The following TGFBR3 variants were observed in gnomAD, a reference collection of about 807,000 sequenced individuals.
The protein encoded by TGFBR3 is transforming growth factor beta receptor type 3.
In TGFBR3, 46 loss-of-function variants were observed where a neutral mutation model predicts 87.9. That is an observed-to-expected ratio of 0.52 (90% CI 0.41 to 0.67). TGFBR3 has a LOEUF of 0.67. Among genes scored for constraint, TGFBR3 ranks in the 30% least tolerant of loss-of-function variants. The pLI, the probability that TGFBR3 is intolerant of heterozygous loss-of-function variation, is 0.00. For synonymous variants in TGFBR3, 381 were observed against 391.6 expected (o/e 0.97, Z 0.32); for missense variants, 866 against 1,041.9 (o/e 0.83, Z 2.32).
intron 1 of TGFBR3, among the ~76,000 whole-genome samples, chr1:91,875,793 G>C (rs1379332018): frequency 1.8e-5 from 1 of 55,070 alleles, no homozygotes; most frequent in Non-Finnish European, 4.2e-5. Context: ...GCGGGGGGGG[G>C]GGGTGGGAGT....
intron 4 of TGFBR3, among the ~76,000 whole-genome samples, chr1:91,743,661 G>T (rs971842955): frequency 6.6e-6 from 1 of 152,088 alleles, no homozygotes; most frequent in Non-Finnish European, 1.5e-5. Flanking sequence ...CCAAGTGTTG[G>T]GTACAAAAAA....
chr1:91,777,539 C>T (rs911198591), intron 3 of TGFBR3, among the ~76,000 whole-genome samples: 14 of 152,130 alleles, frequency 9.2e-5, no homozygotes, highest in African/African-American at 3.1e-4. Flanking sequence ...GGCAAGCACA[C>T]CTGGCTCCAA....
At chr1:91,890,990 T>A (rs1679431443), upstream of TGFBR3, among the ~76,000 whole-genome samples, 1 of 151,790 alleles carries the variant, frequency 6.6e-6, no homozygotes, top group Admixed American at 6.6e-5. Flanking sequence ...CTCTGCCTCC[T>A]GAGTTCAAGC....
chr1:91,718,973 T>C (rs1318241397), intron 10 of TGFBR3, among the ~76,000 whole-genome samples: 1 of 152,184 alleles, frequency 6.6e-6, no homozygotes, highest in African/African-American at 2.4e-5. Context: ...CTCGTTCATA[T>C]AGCCCAGGGC....
At chr1:91,862,965 T>A (rs979479446) in intron 1 of TGFBR3, among the ~76,000 whole-genome samples, 8 of 152,296 alleles carry the variant, frequency 5.3e-5, no homozygotes, top group East Asian at 3.9e-4. Flanking sequence ...ACAAAAAAAA[T>A]TATTTTAAAT....
In TGFBR3 at chr1:91,683,702, G is replaced by A. The variant is rs1670990960; in HGVS notation, c.*37C>T. 1 of 1,502,318 alleles carries A rather than the reference G, an allele frequency of 6.7e-7. No homozygotes were observed. The highest frequency in any genetic ancestry group is 9.0e-7 in the Non-Finnish European group (1 of 1,116,776). 93.1% of individuals were successfully genotyped at this position (1,502,318 alleles called of 1,614,324 possible). On this transcript the variant is annotated 3_prime_UTR_variant, in exon 17 of 17. Transcript: ENST00000212355. ...CCTTGGCAGTAGCTGAGCTGAGCTG[G>A]GCTGGGCTGGGTTGGGCCGGGTTGG... is the stretch of plus-strand genomic sequence containing the variant.
intron 2 of TGFBR3, among the ~76,000 whole-genome samples, chr1:91,808,171 T>A (rs145881560): frequency 0.01 from 1,529 of 152,322 alleles, 18 homozygotes; most frequent in Admixed American, 0.016. Context: ...TAATCATGCC[T>A]GTAATCCCAG....
chr1:91,682,862 A>G lies in TGFBR3; in HGVS notation c.*877T>C, dbSNP rs1423637541. ...TACTTGTACTTGCATACACATAGAA[A>G]TATATCACTGTGCAAATTCGTCCTT... On this transcript the variant is annotated 3_prime_UTR_variant, in exon 17 of 17. Coordinates refer to ENST00000212355, the MANE Select transcript of TGFBR3 (RefSeq NM_003243.5). The G allele has an allele frequency of 4.4e-6, 2 of 453,200 alleles. No individual in the cohort carries two copies. Among genetic ancestry groups the G allele is most frequent in the South Asian group, 1.6e-5 (1 of 64,466 alleles). 28.1% of individuals were successfully genotyped at this position (453,200 alleles called of 1,614,324 possible).
chr1:91,852,844 C>T (rs894207627), intron 2 of TGFBR3, among the ~76,000 whole-genome samples: 6 of 152,110 alleles, frequency 3.9e-5, no homozygotes, highest in African/African-American at 1.4e-4. Context: ...CAGAATTAAA[C>T]ACAAAACTGG....
intron 16 of TGFBR3, among the ~76,000 whole-genome samples, chr1:91,690,563 C>T (rs1374418048): frequency 6.6e-6 from 1 of 152,100 alleles, no homozygotes; most frequent in Admixed American, 6.5e-5. Flanking sequence ...AATTTGTCTC[C>T]TGCAGAATTT....
rs1672020704 is a variant in TGFBR3 at position 91,712,561 on chromosome 1, A to T, written c.1867-19T>A. The T allele has an allele frequency of 6.2e-7, 1 of 1,613,336 alleles. No individual in the cohort carries two copies. Among genetic ancestry groups the T allele is most frequent in the African/African-American group, 1.3e-5 (1 of 74,928 alleles). ...CAGATACCTATGAAAGAACAGAAAG[A>T]TGAATTAGGAAATGAGTTAGCATCT... is the stretch of plus-strand genomic sequence containing the variant. On this transcript the variant is annotated intron_variant, in intron 12 of 16. Transcript: ENST00000212355.
At chr1:91,889,505 T>C (rs190234298), upstream of TGFBR3, among the ~76,000 whole-genome samples, 138 of 152,274 alleles carry the variant, frequency 9.1e-4, no homozygotes, top group African/African-American at 3.1e-3. Context: ...TACATCAGTA[T>C]TTACAAAATT....
chr1:91,865,679 G>A (rs941925297), intron 1 of TGFBR3, among the ~76,000 whole-genome samples: 17 of 152,224 alleles, frequency 1.1e-4, no homozygotes, highest in Non-Finnish European at 1.8e-4. Context: ...TTGGGAGGCC[G>A]AGGCGGGTGG....
At chr1:91,898,239 C>T (rs1679594319) in intron 2 of TGFBR3, among the ~76,000 whole-genome samples, 2 of 152,096 alleles carry the variant, frequency 1.3e-5, no homozygotes, top group African/African-American at 4.8e-5. Flanking sequence ...GTGTCCCTTT[C>T]TTCCGCATAT....
chr1:91,708,187 T>C (rs1671859041), intron 14 of TGFBR3, among the ~76,000 whole-genome samples: 1 of 152,242 alleles, frequency 6.6e-6, no homozygotes, highest in Admixed American at 6.5e-5. Flanking sequence ...TGGGCAGTGG[T>C]TCTCATCTGT....
Position 91,886,070 on chromosome 1 carries a change from C to T in TGFBR3, c.-306G>A, listed in dbSNP as rs1249281169. ...CCGGGAATCGCGCAGGGAAAGTGGC[C>T]GGGGCGCGAGAGCCGCCGACTGCCC... On this transcript the variant is annotated 5_prime_UTR_variant, in exon 1 of 17. Coordinates refer to ENST00000212355, the MANE Select transcript of TGFBR3 (RefSeq NM_003243.5). 5 of 453,926 alleles carry T rather than the reference C, an allele frequency of 1.1e-5. No homozygotes were observed. In the East Asian group the frequency reaches 2.8e-4, roughly 25 times the overall value. The allele number at this position is 453,926 out of a possible 1,614,324, so 28.1% of individuals were successfully genotyped here.
At chr1:91,726,826 A>G (rs10874909) in intron 7 of TGFBR3, among the ~76,000 whole-genome samples, 9,136 of 151,346 alleles carry the variant, frequency 0.06, 377 homozygotes, top group East Asian at 0.22. Flanking sequence ...ATTTGAGCCC[A>G]TAGAAGAGAT....
chr1:91,747,890 C>A (rs1673400802), intron 4 of TGFBR3, among the ~76,000 whole-genome samples: 1 of 152,202 alleles, frequency 6.6e-6, no homozygotes, highest in South Asian at 2.1e-4. Flanking sequence ...TCCCTGCGGA[C>A]TTTGATTGCC....
intron 1 of TGFBR3, among the ~76,000 whole-genome samples, chr1:91,878,154 C>A (rs1244681712): frequency 6.6e-6 from 1 of 151,764 alleles, no homozygotes; most frequent in Non-Finnish European, 1.5e-5. Context: ...AAAGAAAAAA[C>A]CATAAAAGAG....
Sources: allele counts gnomAD v4.1 joint callset (sites outside exome capture counted in the v4.1 genomes callset), GRCh38; gene constraint gnomAD v4.1.1; transcripts MANE v1.5; gene names NCBI Gene and HGNC (gene_info 2026-07-23, HGNC 2026-07-21).